The following ADCYAP1R1 variants were observed in gnomAD, a reference collection of about 807,000 sequenced individuals.
ADCYAP1R1 encodes pituitary adenylate cyclase-activating polypeptide type I receptor.
Under a neutral mutation model 67.6 loss-of-function variants are expected in ADCYAP1R1, and 44 were observed. That is an observed-to-expected ratio of 0.65 (90% confidence interval 0.51 to 0.84). The LOEUF is 0.84. Among genes scored for constraint, ADCYAP1R1 ranks in the 40% least tolerant of loss-of-function variants. The probability of loss-of-function intolerance (pLI) is 0.00; values close to 1 mark genes in which losing one functional copy is unlikely to be tolerated. For synonymous variants in ADCYAP1R1, 222 were observed against 219.6 expected (o/e 1.01, Z -0.10); for missense variants, 477 against 587.9 (o/e 0.81, Z 1.95).
At chr7:31,098,703 CGGGGGGGG>C (rs56397954) in intron 13 of ADCYAP1R1, among the ~76,000 whole-genome samples, 1 of 59,528 alleles carries the variant, frequency 1.7e-5, no homozygotes, top group Non-Finnish European at 5.0e-5. Flanking sequence ...TGCAGCGGGG[CGGGGGGGG>C]GGGGGGGACC....
intron 3 of ADCYAP1R1, among the ~76,000 whole-genome samples, chr7:31,066,496 G>A (rs1309753231): frequency 6.6e-6 from 1 of 152,174 alleles, no homozygotes; most frequent in East Asian, 1.9e-4. Context: ...ATCCCTGGAA[G>A]GGCCAGGCCA....
At chr7:31,071,102 A>T (rs1433914663) in intron 3 of ADCYAP1R1, among the ~76,000 whole-genome samples, 4 of 152,218 alleles carry the variant, frequency 2.6e-5, no homozygotes, top group African/African-American at 4.8e-5. Context: ...TCTCAAAGGG[A>T]GGACCATGGC....
At chr7:31,064,146 T>C (rs1794631673) in intron 2 of ADCYAP1R1, among the ~76,000 whole-genome samples, 1 of 152,220 alleles carries the variant, frequency 6.6e-6, no homozygotes, top group Non-Finnish European at 1.5e-5. Flanking sequence ...TCTTAACCTC[T>C]CTGAGCCCCA....
At chr7:31,057,346 C>T (rs531213103) in intron 1 of ADCYAP1R1, among the ~76,000 whole-genome samples, 1 of 152,250 alleles carries the variant, frequency 6.6e-6, no homozygotes, top group African/African-American at 2.4e-5. Context: ...GAACTCCTCA[C>T]AGGACCCTGG....
At chr7:31,066,413 C>G (rs34602852) in intron 3 of ADCYAP1R1, among the ~76,000 whole-genome samples, 84,103 of 151,878 alleles carry the variant, frequency 0.55, 26,093 homozygotes, top group African/African-American at 0.85. Flanking sequence ...TCTGGGCTGA[C>G]AGGGCAAGAC....
chr7:31,061,064 C>T (rs1794480087), intron 1 of ADCYAP1R1, among the ~76,000 whole-genome samples: 1 of 152,204 alleles, frequency 6.6e-6, no homozygotes, highest in Non-Finnish European at 1.5e-5. Context: ...CAGTGAGTAT[C>T]TGCTAGGGGG....
At position 31,086,283 on chromosome 7, in the gene ADCYAP1R1, T is replaced by C; in HGVS notation, c.670-101T>C. On this transcript the variant is annotated intron_variant, in intron 9 of 15. Transcript: ENST00000304166. This position sits in a 1 kb window ranked among gnomAD's most constrained non-coding sequence, Gnocchi z 5.0. Reference sequence around the variant, plus strand: ...TATTGACTCTCTTAGATCCTTGGGATGTTTGAACCTGAGCATGCCAGAGCC... The same window carrying C: ...TATTGACTCTCTTAGATCCTTGGGACGTTTGAACCTGAGCATGCCAGAGCC... The C allele has an allele frequency of 8.6e-7, 1 of 1,160,162 alleles. No individual in the cohort carries two copies. The highest frequency in any genetic ancestry group is 1.2e-6 in the Non-Finnish European group (1 of 822,250). The allele number at this position is 1,160,162 out of a possible 1,614,324, so 71.9% of individuals were successfully genotyped here.
At chr7:31,080,736 G>A (rs1795482732) in intron 5 of ADCYAP1R1, 103 bp downstream of exon 5, 3 of 1,256,062 alleles carry the variant, frequency 2.4e-6, no homozygotes, top group Admixed American at 1.8e-5. Context: ...TTGGGGTGGG[G>A]GTGGAGTAAG....
At chr7:31,085,539 C>T in intron 9 of ADCYAP1R1, 97 bp downstream of exon 9, 1 of 1,391,362 alleles carries the variant, frequency 7.2e-7, no homozygotes, top group Non-Finnish European at 9.7e-7. Context: ...TGACACCCTG[C>T]AGATCAAGTG....
At chr7:31,068,489 A>T (rs1424699099) in intron 3 of ADCYAP1R1, among the ~76,000 whole-genome samples, 1 of 152,180 alleles carries the variant, frequency 6.6e-6, no homozygotes, top group Non-Finnish European at 1.5e-5. Context: ...TCCCCTTGTC[A>T]GGGTGAAAGG....
At chr7:31,095,794 A>G (rs1042597086) in intron 13 of ADCYAP1R1, 10 of 715,740 alleles carry the variant, frequency 1.4e-5, no homozygotes, top group African/African-American at 1.2e-4. Context: ...TTTGTCCTCC[A>G]TAGACCAAGA....
chr7:31,064,701 A>G lies in ADCYAP1R1; in HGVS notation c.52-130A>G, dbSNP rs1300418108. 1.3e-5 allele frequency: 9 copies of G among 703,468 alleles called. No homozygotes were observed. In the East Asian group the frequency reaches 2.4e-4, roughly 19 times the overall value. The allele number at this position is 703,468 out of a possible 1,614,324, so 43.6% of individuals were successfully genotyped here. A position where few individuals can be genotyped will look rare whatever the true frequency, so the allele number is the denominator to read the frequency against. On this transcript the variant is annotated intron_variant, in intron 2 of 15. Coordinates refer to ENST00000304166, the MANE Select transcript of ADCYAP1R1 (RefSeq NM_001118.5). The stretch of plus-strand genomic sequence containing the variant: ...TGTCAGGGCCCCTGCTGGCCCTGAC[A>G]TCTCTTGTCACCCTCCTCTCTGCTT...
intron 13 of ADCYAP1R1, among the ~76,000 whole-genome samples, chr7:31,094,898 C>CT (rs368299469): frequency 0.01 from 1,554 of 149,096 alleles, 28 homozygotes; most frequent in African/African-American, 0.036. Flanking sequence ...CTCAGCAAAT[C>CT]TTTTTTTTTT....
At chr7:31,100,584 C>T (rs1796396781) in intron 13 of ADCYAP1R1, among the ~76,000 whole-genome samples, 1 of 152,204 alleles carries the variant, frequency 6.6e-6, no homozygotes, top group Non-Finnish European at 1.5e-5. Flanking sequence ...TATAGACCTT[C>T]CCCCACACAG....
intron 13 of ADCYAP1R1, among the ~76,000 whole-genome samples, chr7:31,098,091 A>G (rs557754916): frequency 1.0e-3 from 159 of 152,170 alleles, no homozygotes; most frequent in African/African-American, 3.3e-3. Context: ...TAGTAGAGAC[A>G]GGGTCTCACC....
chr7:31,085,540 A>C, intron 9 of ADCYAP1R1, 98 bp downstream of exon 9: 2 of 1,384,098 alleles, frequency 1.4e-6, no homozygotes, highest in Non-Finnish European at 2.0e-6. Flanking sequence ...GACACCCTGC[A>C]GATCAAGTGT....
chr7:31,103,725 T>TA (rs1233498247), intron 14 of ADCYAP1R1, among the ~76,000 whole-genome samples: 10 of 152,318 alleles, frequency 6.6e-5, no homozygotes, highest in African/African-American at 2.4e-4. Context: ...AGTTCTGTCT[T>TA]ACCTACATCT....
At chr7:31,092,790 C>A in intron 13 of ADCYAP1R1, 55 bp downstream of exon 13, 1 of 1,367,930 alleles carries the variant, frequency 7.3e-7, no homozygotes, top group Non-Finnish European at 1.0e-6. Context: ...GCGGGCCCTG[C>A]ATTCAGGTCA....
intron 4 of ADCYAP1R1, among the ~76,000 whole-genome samples, chr7:31,078,500 T>G (rs1048821948): frequency 6.6e-6 from 1 of 152,146 alleles, no homozygotes; most frequent in African/African-American, 2.4e-5. Context: ...AAATGTTAGC[T>G]GGGATAATTG....
Sources: gnomAD v4.1 joint callset for allele counts (sites outside exome capture counted in the v4.1 genomes callset) on GRCh38, gnomAD v4.1.1 for gene constraint, Gnocchi (gnomAD v3.1) non-coding constraint, MANE v1.5 for transcripts, NCBI Gene and HGNC (gene_info 2026-07-23, HGNC 2026-07-21) for gene names.